LY75: variants seen among roughly 807,000 people sequenced by gnomAD.
LY75 encodes the protein lymphocyte antigen 75, also known as C-type lectin domain family 13 member B.
LY75 carries 185 observed loss-of-function variants against 231.7 expected under a neutral mutation model. That is an observed-to-expected ratio of 0.80 (90% confidence interval 0.71 to 0.90). The LOEUF (loss-of-function observed/expected upper bound fraction) is 0.90. Among genes scored for constraint, LY75 ranks in the 40% least tolerant of loss-of-function variants. The pLI is 0.00. For missense variants in LY75, 1,947 were observed against 2,050.2 expected (o/e 0.95, Z 0.97); for synonymous variants, 668 against 689.0 (o/e 0.97, Z 0.48).
At position 159,885,240 on chromosome 2, in the gene LY75, C is replaced by T; in HGVS notation, c.967G>A (p.Glu323Lys). 6.2e-7 allele frequency: 1 copy of T among 1,613,746 alleles called. No individual in the cohort carries two copies. Among genetic ancestry groups the T allele is most frequent in the East Asian group, 2.2e-5 (1 of 44,876 alleles). ...GGSSCARMDA[E>K]SGLWQSFSCE... ...GAAAAGCTCTGCCACAGACCAGACT[C>T]AGCATCCATTCTTGCACAGCTGGAG... The change falls in exon 6 of 35, where the codon GAG becomes AAG. Residue 323 changes from glutamate to lysine, a missense_variant. Physicochemically the swap from Glu to Lys is moderately conservative, Grantham distance 56. Transcript: ENST00000263636.
At chr2:159,883,316 G>A (rs1401343252) in intron 6 of LY75, among the ~76,000 whole-genome samples, 1 of 151,088 alleles carries the variant, frequency 6.6e-6, no homozygotes, top group African/African-American at 2.4e-5. Flanking sequence ...TGGACAGTTT[G>A]TTTTTTTTAC....
At chr2:159,871,898 T>C (rs1187920702) in intron 13 of LY75, 1 of 152,666 alleles carries the variant, frequency 6.6e-6, no homozygotes, top group Non-Finnish European at 1.5e-5. Flanking sequence ...TTTAATTACT[T>C]AAGATCAAAC....
chr2:159,807,505 T>C (rs952648199), intron 33 of LY75, among the ~76,000 whole-genome samples: 1 of 152,202 alleles, frequency 6.6e-6, no homozygotes, highest in African/African-American at 2.4e-5. Context: ...ATCCTTCCCC[T>C]ACTCTAATTG....
At position 159,889,794 on chromosome 2, in the gene LY75, GC is replaced by G. The variant is rs897065252; in HGVS notation, c.802+418del. On this transcript the variant is annotated intron_variant, in intron 4 of 34. Coordinates refer to ENST00000263636, the MANE Select transcript of LY75 (RefSeq NM_002349.4). Reference sequence around the variant, plus strand: ...TTTAAGATTTAGTAAAACACTCCTTGCCCCTGAGGACTGTACCCTTTCACTC... The same window carrying G: ...TTTAAGATTTAGTAAAACACTCCTTGCCCTGAGGACTGTACCCTTTCACTC... 1.2e-4 allele frequency among the ~76,000 whole-genome samples: 19 copies of G among 152,164 alleles called. No individual in the cohort carries two copies. In the Middle Eastern group the frequency reaches 0.017, roughly 136 times the overall value.
intron 16 of LY75, among the ~76,000 whole-genome samples, chr2:159,856,670 G>A (rs1174300710): frequency 1.3e-5 from 2 of 152,102 alleles, no homozygotes; most frequent in African/African-American, 4.8e-5. Flanking sequence ...GAGAACAGGA[G>A]TTTAGTTTTT....
At chr2:159,820,502 A>G (rs1553799895) in intron 28 of LY75, among the ~76,000 whole-genome samples, 1 of 152,214 alleles carries the variant, frequency 6.6e-6, no homozygotes, top group Non-Finnish European at 1.5e-5. Flanking sequence ...AAGGCATAAA[A>G]TGATACAATA....
intron 33 of LY75, 64 bp downstream of exon 33, chr2:159,808,385 G>T (rs1009357307): frequency 5.0e-6 from 8 of 1,610,024 alleles, no homozygotes; most frequent in South Asian, 4.4e-5. Flanking sequence ...TAGCAAGGAC[G>T]ACTTGTTATT....
chr2:159,874,132 A>AAATGTATATATATTTTGTAAATATATAT (rs1685109717), intron 12 of LY75, among the ~76,000 whole-genome samples: 1 of 9,704 alleles, frequency 1.0e-4, no homozygotes, highest in Non-Finnish European at 1.3e-3. Flanking sequence ...GTAAATATAT[A>AAATGTATATATATTTTGTAAATATATAT]AACGTATATA....
chr2:159,831,864 T>C, intron 27 of LY75, 78 bp from the exon 28 acceptor site: 1 of 1,204,268 alleles, frequency 8.3e-7, no homozygotes, highest in Non-Finnish European at 1.2e-6. Context: ...TAAAACATTT[T>C]AGTTCTCAGT....
intron 31 of LY75, among the ~76,000 whole-genome samples, chr2:159,814,653 C>CAA (rs34311643): frequency 0.13 from 9,432 of 73,566 alleles, 522 homozygotes; most frequent in East Asian, 0.37. Context: ...GAAACCCTGT[C>CAA]AAAAAAAAAA....
At chr2:159,848,093 TAC>T (rs773757343) in intron 23 of LY75, among the ~76,000 whole-genome samples, 1,779 of 28,500 alleles carry the variant, frequency 0.062, 52 homozygotes, top group Admixed American at 0.095. Flanking sequence ...TATATATATA[TAC>T]ACACACACAT....
At position 159,879,283 on chromosome 2, in the gene LY75, A is replaced by G. The variant is rs547317223; in HGVS notation, c.1491T>C (p.Ser497=). The G allele has an allele frequency of 3.8e-5, 61 of 1,613,596 alleles. No homozygotes were observed. The South Asian group carries it at 6.5e-4, about 17-fold the overall frequency. The change falls in exon 9 of 35, where the codon TCT becomes TCC. Residue 497 remains serine (S), a synonymous_variant. Transcript: ENST00000263636. ...RKGEKLNDAS[S]DKMCPPDEGW... is the part of the protein sequence containing the mutation. The stretch of plus-strand genomic sequence containing the variant: ...CCTCATCTGGAGGACACATCTTATC[A>G]GAACTTGCGTCATTCAGTTTTTCTC...
At chr2:159,884,627 T>C (rs1409674225) in intron 6 of LY75, among the ~76,000 whole-genome samples, 1 of 152,182 alleles carries the variant, frequency 6.6e-6, no homozygotes, top group East Asian at 1.9e-4. Context: ...CTGGGCTTAC[T>C]CCTGTGTCTA....
At position 159,890,353 on chromosome 2, in the gene LY75, T is replaced by C. The variant is rs1180122403; in HGVS notation, c.662A>G (p.Glu221Gly). ...KPENGCEDNWEKNEQFGSCYQ... is the reference protein window; with the variant it reads ...KPENGCEDNWGKNEQFGSCYQ... Reference sequence around the variant, plus strand: ...GCAACTTCCAAACTGCTCGTTCTTTTCCCAATTATCTTCACAACCGTTTTC... The same window carrying C: ...GCAACTTCCAAACTGCTCGTTCTTTCCCCAATTATCTTCACAACCGTTTTC... Residue 221 changes from glutamate to glycine, a missense_variant, in exon 4 of 35, where the codon GAA becomes GGA. Glu to Gly is a moderately conservative substitution (Grantham distance 98, BLOSUM62 -2). Transcript: ENST00000263636. 1.1e-5 allele frequency: 17 copies of C among 1,613,254 alleles called. No individual in the cohort carries two copies. The highest frequency in any genetic ancestry group is 1.4e-5 in the Non-Finnish European group (16 of 1,179,572).
chr2:159,803,955 T>G lies in LY75; in HGVS notation c.*1089A>C, dbSNP rs1395217233. ...ATATAAATTGTAAAATTATCAGTCT[T>G]AAATACCTAGTTGATTCTCTTTACA... On this transcript the variant is annotated 3_prime_UTR_variant, in exon 35 of 35. Transcript: ENST00000263636. 6.6e-6 allele frequency: 1 copy of G among 152,226 alleles called. No homozygotes were observed. Among genetic ancestry groups the G allele is most frequent in the Non-Finnish European group, 1.5e-5 (1 of 68,038 alleles). The allele number at this position is 152,226 out of a possible 1,614,324, so 9.4% of individuals were successfully genotyped here. A position where few individuals can be genotyped will look rare whatever the true frequency, so the allele number is the denominator to read the frequency against.
At position 159,804,949 on chromosome 2, in the gene LY75, C is replaced by T; in HGVS notation, c.*95G>A. The T allele has an allele frequency of 1.1e-6, 1 of 926,948 alleles. No individual in the cohort carries two copies. Among genetic ancestry groups the T allele is most frequent in the Non-Finnish European group, 1.6e-6 (1 of 613,876 alleles). 57.4% of individuals were successfully genotyped at this position (926,948 alleles called of 1,614,324 possible). On this transcript the variant is annotated 3_prime_UTR_variant, in exon 35 of 35. Coordinates refer to ENST00000263636, the MANE Select transcript of LY75 (RefSeq NM_002349.4). ...ACAACTGAAAAAGTATTTAAGAGTT[C>T]TACTTTGGAGCAGAGTAAATACTGA...
At position 159,853,657 on chromosome 2, in the gene LY75, T is replaced by G. The variant is rs201718358; in HGVS notation, c.2636A>C (p.Glu879Ala). 47 of 1,613,542 alleles carry G rather than the reference T, an allele frequency of 2.9e-5. No individual in the cohort carries two copies. Among genetic ancestry groups the G allele is most frequent in the Non-Finnish European group, 4.0e-5 (47 of 1,179,832 alleles). The change falls in exon 19 of 35, where the codon GAG becomes GCG. Residue 879 changes from glutamate (E) to alanine (A), a missense_variant. Transcript: ENST00000263636. ...TGTAAAATGATCATCTATTGGCCAC[T>G]CGCTAATTCTTATCCACCACTTCTG... ...DGQKWWIRIS[E>A]WPIDDHFTYS...
chr2:159,891,876 C>T (rs1685770699), intron 3 of LY75, among the ~76,000 whole-genome samples: 1 of 152,216 alleles, frequency 6.6e-6, no homozygotes, highest in Non-Finnish European at 1.5e-5. Context: ...AGCAAACTTT[C>T]ACATCTAAAT....
At chr2:159,829,752 C>T (rs1683590372) in intron 28 of LY75, among the ~76,000 whole-genome samples, 1 of 152,168 alleles carries the variant, frequency 6.6e-6, no homozygotes, top group African/African-American at 2.4e-5. Context: ...AAATGTCTTT[C>T]TATATGTCCC....
Sources: gnomAD v4.1 joint callset for allele counts (sites outside exome capture counted in the v4.1 genomes callset) on GRCh38, gnomAD v4.1.1 for gene constraint, MANE v1.5 for transcripts, NCBI Gene and HGNC (gene_info 2026-07-23, HGNC 2026-07-21) for gene names.